Variants in BEND4 observed in about 807,000 individuals in gnomAD.
The protein encoded by BEND4 is BEN domain-containing protein 4.
A neutral mutation model predicts 54.7 loss-of-function variants in BEND4; 27 were observed. The ratio of observed to expected loss-of-function variants is 0.49; its 90% confidence interval spans 0.36 to 0.68. BEND4 has a LOEUF of 0.68. Among genes scored for constraint, BEND4 ranks in the 30% least tolerant of loss-of-function variants. BEND4 has a pLI of 0.00. For synonymous variants in BEND4, 327 were observed against 299.5 expected, an observed-to-expected ratio of 1.09 and a Z score of -0.95; for missense variants, 702 against 697.2, an observed-to-expected ratio of 1.01 and a Z score of -0.08.
In BEND4 at chr4:42,141,780, T is replaced by C. The variant is rs556483250; in HGVS notation, c.1054+1648A>G. ...AAAAAAAGGATATAACTTATATTTA[T>C]GCATATGTATCAGCATTAAAATTTT... On this transcript the variant is annotated intron_variant, in intron 3 of 5. Transcript: ENST00000502486. Among the ~76,000 whole-genome samples, 54 of 152,324 alleles carry C rather than the reference T, an allele frequency of 3.5e-4. 1 individual carries two copies. The highest frequency in any genetic ancestry group is 8.8e-5 in the Non-Finnish European group (6 of 68,012).
At chr4:42,142,202 G>A (rs993837077) in intron 3 of BEND4, among the ~76,000 whole-genome samples, 12 of 150,584 alleles carry the variant, frequency 8.0e-5, no homozygotes, top group Admixed American at 1.3e-4. Flanking sequence ...CACTGCGCCC[G>A]GCCTCAAGCT....
At chr4:42,128,700 G>A (rs1201886625) in intron 3 of BEND4, among the ~76,000 whole-genome samples, 1 of 151,948 alleles carries the variant, frequency 6.6e-6, no homozygotes, top group African/African-American at 2.4e-5. Context: ...GGTATTCAAG[G>A]CCGGGTGCGG....
rs1560586933 is a variant in BEND4, at chr4:42,151,704, C to CCGG, written c.437_439dup (p.Ala146dup). 8.0e-6 allele frequency: 12 copies of CCGG among 1,502,368 alleles called. No individual in the cohort carries two copies. The South Asian group carries it at 1.2e-4, about 16-fold the overall frequency. 93.1% of individuals were successfully genotyped at this position (1,502,368 alleles called of 1,614,324 possible). On this transcript the variant is annotated inframe_insertion, in exon 2 of 6. Coordinates refer to ENST00000502486, the MANE Select transcript of BEND4 (RefSeq NM_207406.4). ...GCTGTCGCTACCCGTGCCGCCGGTG[C>CCGG]CGGCGGCCGCCGCCGCGCCTGGGCC...
intron 2 of BEND4, chr4:42,151,392 C>A (rs953007662): frequency 1.0e-5 from 3 of 287,780 alleles, no homozygotes; most frequent in Non-Finnish European, 1.9e-5. Flanking sequence ...CGATCCTGGT[C>A]GCCGACTGCC....
At position 42,147,873 on chromosome 4, in the gene BEND4, T is replaced by C. The variant is rs1721132150; in HGVS notation, c.487+3784A>G. ...TAGGCAATCAAATAGTCTCCCTACT[T>C]TACCGCCCCTCTTTGTAAGTAAAGC... On this transcript the variant is annotated intron_variant, in intron 2 of 5. Transcript: ENST00000502486. Among the ~76,000 whole-genome samples the C allele has an allele frequency of 2.0e-5, 3 of 152,120 alleles. No individual in the cohort carries two copies. The South Asian group carries it at 6.2e-4, about 32-fold the overall frequency.
At position 42,151,685 on chromosome 4, in the gene BEND4, G is replaced by A. The variant is rs749591554; in HGVS notation, c.459C>T (p.Ser153=). The A allele has an allele frequency of 1.7e-5, 26 of 1,506,128 alleles. No individual in the cohort carries two copies. In the South Asian group the frequency reaches 3.1e-4, roughly 18 times the overall value. The allele number at this position is 1,506,128 out of a possible 1,614,324, so 93.3% of individuals were successfully genotyped here. The change falls in exon 2 of 6, where the codon AGC becomes AGT. Residue 153 remains serine (S), a synonymous_variant. Transcript: ENST00000502486. ...AAAAGTGGTG[S]DSASLELSAE... is the part of the protein sequence containing the mutation. ...CGCTGAGCTCCAGGCTGGCGCTGTC[G>A]CTACCCGTGCCGCCGGTGCCGGCGG...
At chr4:42,130,373 G>A (rs182347024) in intron 3 of BEND4, among the ~76,000 whole-genome samples, 90 of 151,612 alleles carry the variant, frequency 5.9e-4, no homozygotes, top group African/African-American at 2.1e-3. Context: ...CCAGCTACTC[G>A]GGAGGCTGAG....
intron 4 of BEND4, among the ~76,000 whole-genome samples, chr4:42,122,773 G>A (rs1720113070): frequency 6.6e-6 from 1 of 152,202 alleles, no homozygotes; most frequent in Non-Finnish European, 1.5e-5. Flanking sequence ...GTTTTGCTCA[G>A]GAGAGTGAGC....
chr4:42,124,074 T>C (rs907811184), intron 4 of BEND4, among the ~76,000 whole-genome samples: 3 of 152,122 alleles, frequency 2.0e-5, no homozygotes, highest in Non-Finnish European at 4.4e-5. Flanking sequence ...ATAAGAAACA[T>C]AACTGGGCAC....
chr4:42,126,861 C>CAA (rs1720306902), intron 3 of BEND4, among the ~76,000 whole-genome samples: 1 of 148,668 alleles, frequency 6.7e-6, no homozygotes, highest in South Asian at 2.1e-4. Context: ...AAAGGAAAAA[C>CAA]AAAACAAAAC....
intron 3 of BEND4, 48 bp from the exon 4 acceptor site, chr4:42,125,722 T>C (rs768620576): frequency 8.0e-7 from 1 of 1,245,148 alleles, no homozygotes; most frequent in South Asian, 1.5e-5. Context: ...TCCCGTAACA[T>C]GAAAATAAAT....
chr4:42,129,445 A>C (rs566014310), intron 3 of BEND4, among the ~76,000 whole-genome samples: 1 of 152,154 alleles, frequency 6.6e-6, no homozygotes, highest in East Asian at 1.9e-4. Context: ...CTTATGGAAC[A>C]AAAAAAAGAG....
intron 4 of BEND4, among the ~76,000 whole-genome samples, chr4:42,123,703 A>AAC (rs1553921988): frequency 1.3e-4 from 14 of 111,824 alleles, no homozygotes; most frequent in African/African-American, 5.4e-4. Context: ...AGAAAAAAAA[A>AAC]AAAAAAAAAA....
Position 42,143,604 on chromosome 4 carries a change from C to T in BEND4, c.878G>A (p.Trp293Ter). ...GGATTCGGACGTTGCTGGGGAAGTC[C>T]AGCCACCTAATGTATGCACAGGAGA... is the stretch of plus-strand genomic sequence containing the variant. The part of the protein sequence containing the change: ...STSPVHTLGG[W>*]TSPATSESHG... The change falls in exon 3 of 6, where the codon TGG (tryptophan) becomes TAG (stop). Residue 293 changes from tryptophan (W) to a stop codon, truncating the protein, a stop_gained. Coordinates refer to ENST00000502486, the MANE Select transcript of BEND4 (RefSeq NM_207406.4). LOFTEE classifies it high-confidence loss of function. The T allele has an allele frequency of 6.2e-7, 1 of 1,602,028 alleles. No individual in the cohort carries two copies. Among genetic ancestry groups the T allele is most frequent in the Non-Finnish European group, 8.5e-7 (1 of 1,174,216 alleles).
intron 3 of BEND4, among the ~76,000 whole-genome samples, chr4:42,135,578 C>G (rs1560580446): frequency 6.6e-6 from 1 of 152,066 alleles, no homozygotes. Flanking sequence ...CGAGACCATC[C>G]TGGCTAACAC....
At position 42,145,433 on chromosome 4, in the gene BEND4, A is replaced by G. The variant is rs1296906362; in HGVS notation, c.488-1439T>C. On this transcript the variant is annotated intron_variant, in intron 2 of 5. Transcript: ENST00000502486. ...AAAACAGCTGGGTGCAGTGGCTCAC[A>G]CCTGTAATCTCAGCACTTTGGGAGG... 2.0e-5 allele frequency among the ~76,000 whole-genome samples: 3 copies of G among 152,260 alleles called. No individual in the cohort carries two copies. In the East Asian group the frequency reaches 5.8e-4, roughly 29 times the overall value.
At chr4:42,136,662 T>G (rs1306048516) in intron 3 of BEND4, among the ~76,000 whole-genome samples, 2 of 152,232 alleles carry the variant, frequency 1.3e-5, no homozygotes, top group African/African-American at 4.8e-5. Context: ...TATTATTTAG[T>G]GCTACAGTTT....
intron 2 of BEND4, among the ~76,000 whole-genome samples, chr4:42,149,148 A>G (rs1721174776): frequency 6.6e-6 from 1 of 152,290 alleles, no homozygotes; most frequent in Non-Finnish European, 1.5e-5. Context: ...GAAACACAGC[A>G]ATTACACTTC....
intron 3 of BEND4, among the ~76,000 whole-genome samples, chr4:42,142,063 C>T (rs923827709): frequency 5.9e-5 from 9 of 151,788 alleles, no homozygotes; most frequent in African/African-American, 2.2e-4. Flanking sequence ...GCCACCATGC[C>T]TGGCGACTTT....
Sources: allele counts gnomAD v4.1 joint callset (sites outside exome capture counted in the v4.1 genomes callset), GRCh38; gene constraint gnomAD v4.1.1; transcripts MANE v1.5; gene names NCBI Gene and HGNC (gene_info 2026-07-23, HGNC 2026-07-21).